Variants in SACM1L observed in about 807,000 individuals in gnomAD.
The protein encoded by SACM1L is SAC1 like phosphatidylinositide phosphatase.
In SACM1L, 32 loss-of-function variants were observed where a neutral mutation model predicts 89.5. The observed-to-expected ratio is 0.36, with a 90% CI of 0.27 to 0.48. The LOEUF is 0.48. SACM1L is among the 20% of genes least tolerant of loss of function. SACM1L has a pLI of 0.99. For synonymous variants in SACM1L, 213 were observed against 232.8 expected (o/e 0.92, Z 0.77); for missense variants, 543 against 708.5 (o/e 0.77, Z 2.65).
intron 3 of SACM1L, among the ~76,000 whole-genome samples, chr3:45,705,897 T>G (rs993280651): frequency 6.6e-6 from 1 of 152,232 alleles, no homozygotes; most frequent in South Asian, 2.1e-4. Flanking sequence ...CAAATGTTAC[T>G]TGGTTCTGAG....
intron 4 of SACM1L, among the ~76,000 whole-genome samples, chr3:45,709,082 G>A (rs1266780449): frequency 2.6e-5 from 4 of 152,156 alleles, no homozygotes; most frequent in African/African-American, 4.8e-5. Flanking sequence ...TGGGCCCGTC[G>A]TAAATTTATG....
intron 19 of SACM1L, 48 bp from the exon 20 acceptor site, chr3:45,743,485 G>T: frequency 6.4e-7 from 1 of 1,566,140 alleles, no homozygotes; most frequent in Non-Finnish European, 8.6e-7. Context: ...AACTGGGTCT[G>T]ATATCAACAA....
In SACM1L at chr3:45,723,961, CACAG is replaced by C. The variant is rs1429078395; in HGVS notation, c.921+422_921+425del. Among the ~76,000 whole-genome samples, 688 of 100,432 alleles carry C rather than the reference CACAG, an allele frequency of 6.9e-3. 5 individuals carry two copies. Among genetic ancestry groups the C allele is most frequent in the African/African-American group, 0.024 (648 of 26,656 alleles). The allele number at this position is 100,432 out of a possible 152,430, so 65.9% of individuals were successfully genotyped here. On this transcript the variant is annotated intron_variant, in intron 11 of 19. Coordinates refer to ENST00000389061, the MANE Select transcript of SACM1L (RefSeq NM_014016.5). The stretch of plus-strand genomic sequence containing the variant: ...GTGTATGCATATATGCACACACACA[CACAG>C]ACACACACACACACACACATATACA...
At chr3:45,723,582 T>A (rs1187647003) in intron 11 of SACM1L, 39 bp downstream of exon 11, 3 of 1,140,512 alleles carry the variant, frequency 2.6e-6, no homozygotes, top group African/African-American at 3.2e-5. Context: ...AAAAAAGCCT[T>A]AACTTTTTCT....
At chr3:45,693,909 A>G (rs932627604) in intron 1 of SACM1L, among the ~76,000 whole-genome samples, 1 of 152,216 alleles carries the variant, frequency 6.6e-6, no homozygotes, top group Admixed American at 6.5e-5. Flanking sequence ...AGGCATGGAT[A>G]ATGTCAGACA....
intron 1 of SACM1L, among the ~76,000 whole-genome samples, chr3:45,693,776 C>T (rs1314799538): frequency 1.3e-5 from 2 of 152,128 alleles, no homozygotes; most frequent in Non-Finnish European, 2.9e-5. Context: ...TATTAATTTC[C>T]ATATGTTTAA....
chr3:45,730,397 C>G (rs1354036015), intron 11 of SACM1L, among the ~76,000 whole-genome samples: 2 of 146,478 alleles, frequency 1.4e-5, no homozygotes, highest in African/African-American at 5.0e-5. Flanking sequence ...CCAAAACTTT[C>G]TTATTGTGTA....
chr3:45,710,626 C>G (rs878878937), intron 5 of SACM1L, among the ~76,000 whole-genome samples: 1 of 151,232 alleles, frequency 6.6e-6, no homozygotes, highest in Non-Finnish European at 1.5e-5. Flanking sequence ...TTTTGACACA[C>G]CTTAGAAGTG....
chr3:45,733,275 G>A (rs1699120158), intron 13 of SACM1L, among the ~76,000 whole-genome samples: 1 of 152,184 alleles, frequency 6.6e-6, no homozygotes, highest in Admixed American at 6.5e-5. Context: ...TTTGGGGGTA[G>A]TGGGAAGAAT....
At chr3:45,725,681 GC>G (rs113774850) in intron 11 of SACM1L, among the ~76,000 whole-genome samples, 88 of 148,208 alleles carry the variant, frequency 5.9e-4, no homozygotes, top group Middle Eastern at 3.5e-3. Context: ...CAATTTGGAT[GC>G]CCTTTTTTTT....
chr3:45,699,909 A>G (rs1468775340), intron 1 of SACM1L, among the ~76,000 whole-genome samples: 1 of 152,174 alleles, frequency 6.6e-6, no homozygotes, highest in Admixed American at 6.5e-5. Flanking sequence ...AGCTGATTTT[A>G]TAATAAATAC....
chr3:45,689,594 A>C, intron 1 of SACM1L, 97 bp downstream of exon 1: 1 of 1,358,110 alleles, frequency 7.4e-7, no homozygotes, highest in Non-Finnish European at 1.0e-6. Context: ...GATTGCAGAT[A>C]GGGTGTGGGA....
At chr3:45,704,018 C>T (rs556360233) in intron 2 of SACM1L, among the ~76,000 whole-genome samples, 1 of 152,212 alleles carries the variant, frequency 6.6e-6, no homozygotes, top group Non-Finnish European at 1.5e-5. Flanking sequence ...TGTTCTTAGG[C>T]AAATGATGTT....
chr3:45,701,725 C>CA (rs1211202507), intron 1 of SACM1L, among the ~76,000 whole-genome samples: 2 of 152,158 alleles, frequency 1.3e-5, no homozygotes, highest in African/African-American at 4.8e-5. Context: ...CAATATTGAA[C>CA]GTATCCGTCA....
At chr3:45,707,039 T>G in intron 4 of SACM1L, 132 bp downstream of exon 4, 1 of 715,728 alleles carries the variant, frequency 1.4e-6, no homozygotes, top group Non-Finnish European at 2.2e-6. Flanking sequence ...AAGATCACTC[T>G]ACCTACTTTT....
At chr3:45,710,982 C>T (rs1386068628) in intron 5 of SACM1L, among the ~76,000 whole-genome samples, 1 of 152,118 alleles carries the variant, frequency 6.6e-6, no homozygotes, top group Non-Finnish European at 1.5e-5. Flanking sequence ...ATACTAGCCC[C>T]TGGGGACCCA....
At chr3:45,722,739 T>G in intron 9 of SACM1L, 130 bp from the exon 10 acceptor site, 1 of 600,358 alleles carries the variant, frequency 1.7e-6, no homozygotes. Flanking sequence ...CGTGGACTTT[T>G]AAAGTTGTCG....
At chr3:45,701,645 A>G (rs1373018019) in intron 1 of SACM1L, among the ~76,000 whole-genome samples, 1 of 152,226 alleles carries the variant, frequency 6.6e-6, no homozygotes, top group African/African-American at 2.4e-5. Context: ...AACTACACAC[A>G]TGGAAAAGGG....
At chr3:45,689,538 G>T (rs1386211893) in intron 1 of SACM1L, 41 bp downstream of exon 1, 1 of 1,550,896 alleles carries the variant, frequency 6.4e-7, no homozygotes, top group Non-Finnish European at 8.7e-7. Flanking sequence ...CGGCGGGCGG[G>T]GCGGCAGGTG....
Sources: allele counts gnomAD v4.1 joint callset (sites outside exome capture counted in the v4.1 genomes callset), GRCh38; gene constraint gnomAD v4.1.1; transcripts MANE v1.5; gene names NCBI Gene and HGNC (gene_info 2026-07-23, HGNC 2026-07-21).